Variants in INTS9 observed in about 807,000 individuals in gnomAD.
INTS9 encodes protein related to CPSF subunits of 74 kDa.
Under a neutral mutation model 79.7 loss-of-function variants are expected in INTS9, and 55 were observed. The observed-to-expected ratio is 0.69, with a 90% confidence interval of 0.56 to 0.86. INTS9 has a LOEUF of 0.86. INTS9 is among the 40% of genes least tolerant of loss of function. The probability of loss-of-function intolerance (pLI) is 0.00; values close to 1 mark genes in which losing one functional copy is unlikely to be tolerated. For synonymous variants in INTS9, 319 were observed against 325.2 expected, an observed-to-expected ratio of 0.98 and a Z score of 0.20; for missense variants, 721 against 831.5, an observed-to-expected ratio of 0.87 and a Z score of 1.64.
intron 10 of INTS9, among the ~76,000 whole-genome samples, chr8:28,789,043 G>GT (rs1803776091): frequency 2.0e-5 from 3 of 152,020 alleles, no homozygotes; most frequent in African/African-American, 7.3e-5. Flanking sequence ...TTTAAGTTTG[G>GT]TTTAAAAAAA....
chr8:28,768,271 G>A lies in INTS9; in HGVS notation c.1852C>T (p.Leu618=), dbSNP rs774469045. ...ATGAGCGTCTCAGCCTCCTGGAGCA[G>A]GACGATATGGCCCTTGGCTGTGTCC... The part of the protein sequence containing the change: ...VEDTAKGHIV[L]LQEAETLIQI... The change falls in exon 17 of 17, where the codon CTG becomes TTG. Residue 618 remains leucine, a synonymous_variant. Coordinates refer to ENST00000521022, the MANE Select transcript of INTS9 (RefSeq NM_018250.4). The A allele has an allele frequency of 2.2e-5, 36 of 1,614,084 alleles. No homozygotes were observed. In the South Asian group the frequency reaches 3.7e-4, roughly 17 times the overall value.
At chr8:28,826,300 G>A in intron 6 of INTS9, among the ~76,000 whole-genome samples, 1 of 152,072 alleles carries the variant, frequency 6.6e-6, no homozygotes, top group East Asian at 1.9e-4. Context: ...AAGAAAAAAA[G>A]TTCAGTTGCT....
At position 28,882,955 on chromosome 8, in the gene INTS9, C is replaced by G. The variant is rs73554866; in HGVS notation, c.9+6919G>C. On this transcript the variant is annotated intron_variant, in intron 1 of 16. Transcript: ENST00000521022. ...TGATCACTGAGCAACTTGCGACTTT[C>G]AAGCCAGTGCCTTTCTCTTGCAGGG... is the stretch of plus-strand genomic sequence containing the variant. 5.0e-3 allele frequency among the ~76,000 whole-genome samples: 766 copies of G among 152,328 alleles called. 3 individuals carry two copies. Among genetic ancestry groups the G allele is most frequent in the African/African-American group, 0.016 (673 of 41,562 alleles).
intron 2 of INTS9, among the ~76,000 whole-genome samples, chr8:28,852,294 CT>C (rs3054476): frequency 0.23 from 33,182 of 146,058 alleles, 5,021 homozygotes; most frequent in East Asian, 0.47. Context: ...CTGATAAACT[CT>C]TTTTTTTTTT....
chr8:28,870,160 G>C (rs1808999517), intron 1 of INTS9, among the ~76,000 whole-genome samples: 5 of 151,916 alleles, frequency 3.3e-5, no homozygotes, highest in Admixed American at 2.6e-4. Context: ...GTGACTGTTT[G>C]TTACATATAT....
intron 1 of INTS9, among the ~76,000 whole-genome samples, chr8:28,861,106 AGG>A (rs1334545913): frequency 1.3e-5 from 2 of 152,244 alleles, no homozygotes; most frequent in Non-Finnish European, 2.9e-5. Flanking sequence ...AAAAGATATA[AGG>A]CACTTACGAT....
At chr8:28,826,589 T>TGTG (rs1806160503) in intron 6 of INTS9, among the ~76,000 whole-genome samples, 1 of 152,148 alleles carries the variant, frequency 6.6e-6, no homozygotes, top group Non-Finnish European at 1.5e-5. Context: ...TCCTCCTGAG[T>TGTG]GTGAGGTAGA....
At chr8:28,875,087 G>A (rs1042060012) in intron 1 of INTS9, among the ~76,000 whole-genome samples, 2 of 152,108 alleles carry the variant, frequency 1.3e-5, no homozygotes, top group African/African-American at 4.8e-5. Flanking sequence ...AACAGCTCAG[G>A]AAAGACCCGC....
At chr8:28,837,526 G>C (rs1806874779) in intron 5 of INTS9, 111 bp downstream of exon 5, 1 of 1,177,398 alleles carries the variant, frequency 8.5e-7, no homozygotes, top group Non-Finnish European at 1.2e-6. Context: ...CTTTGGGTTA[G>C]TTGTTCAGAA....
chr8:28,889,274 A>G (rs1810428332), intron 1 of INTS9, among the ~76,000 whole-genome samples: 1 of 152,210 alleles, frequency 6.6e-6, no homozygotes, highest in Non-Finnish European at 1.5e-5. Context: ...GCCTTGGCTC[A>G]TGAAGTCCCT....
At chr8:28,785,398 T>C (rs565995943) in intron 11 of INTS9, among the ~76,000 whole-genome samples, 24 of 152,366 alleles carry the variant, frequency 1.6e-4, no homozygotes, top group South Asian at 1.2e-3. Context: ...TCTAAGGTTC[T>C]TTCCTATGTT....
At chr8:28,875,794 G>T (rs1432840290) in intron 1 of INTS9, among the ~76,000 whole-genome samples, 1 of 152,212 alleles carries the variant, frequency 6.6e-6, no homozygotes, top group Non-Finnish European at 1.5e-5. Flanking sequence ...GTGAGTTACT[G>T]ATAGGTAGGA....
intron 4 of INTS9, among the ~76,000 whole-genome samples, chr8:28,844,564 G>A (rs143539807): frequency 0.033 from 5,027 of 152,014 alleles, 293 homozygotes; most frequent in African/African-American, 0.12. Context: ...GGTGGGTCAC[G>A]CCTGTAATCC....
Position 28,850,735 on chromosome 8 carries a change from A to T in INTS9, c.138-462T>A, listed in dbSNP as rs78450894. ...CCCATCAGCATTCACAACAAACACG[A>T]ATACCCGAATTCCAGTCCAATCCAC... On this transcript the variant is annotated intron_variant, in intron 2 of 16. Transcript: ENST00000521022. Among the ~76,000 whole-genome samples, 877 of 152,302 alleles carry T rather than the reference A, an allele frequency of 5.8e-3. 4 individuals are homozygous for T. Among genetic ancestry groups the T allele is most frequent in the Non-Finnish European group, 9.6e-3 (650 of 68,016 alleles).
chr8:28,816,199 A>T (rs1805467409), intron 6 of INTS9, among the ~76,000 whole-genome samples: 1 of 151,594 alleles, frequency 6.6e-6, no homozygotes, highest in African/African-American at 2.4e-5. Flanking sequence ...CATGTGCACA[A>T]TGTGCAGGTT....
chr8:28,832,908 A>C (rs1806579460), intron 6 of INTS9, among the ~76,000 whole-genome samples: 1 of 152,010 alleles, frequency 6.6e-6, no homozygotes, highest in Admixed American at 6.6e-5. Flanking sequence ...GGTTGCAGTG[A>C]GCCGAAATTG....
intron 5 of INTS9, 78 bp downstream of exon 5, chr8:28,837,559 A>G: frequency 3.4e-6 from 5 of 1,490,902 alleles, no homozygotes; most frequent in Non-Finnish European, 4.5e-6. Context: ...CAGCCCTGGT[A>G]TAATACTGTG....
At chr8:28,796,855 A>G (rs1585370478) in intron 8 of INTS9, 200 bp from the exon 9 acceptor site, 1 of 506,450 alleles carries the variant, frequency 2.0e-6, no homozygotes, top group African/African-American at 1.9e-5. Flanking sequence ...GGCAAGAGGG[A>G]GCTTTATAAG....
chr8:28,804,026 C>T (rs1297235759), intron 8 of INTS9, among the ~76,000 whole-genome samples: 4 of 152,230 alleles, frequency 2.6e-5, no homozygotes, highest in East Asian at 3.9e-4. Flanking sequence ...CTAACTCAAG[C>T]GATCCTCCCA....
Sources: allele counts gnomAD v4.1 joint callset (sites outside exome capture counted in the v4.1 genomes callset), GRCh38; gene constraint gnomAD v4.1.1; transcripts MANE v1.5; gene names NCBI Gene and HGNC (gene_info 2026-07-23, HGNC 2026-07-21).